The following KIAA1328 variants were observed in gnomAD, a reference collection of about 807,000 sequenced individuals.
KIAA1328 encodes the protein protein hinderin.
A neutral mutation model predicts 68.1 loss-of-function variants in KIAA1328; 52 were observed. The ratio of observed to expected loss-of-function variants is 0.76; its 90% CI spans 0.61 to 0.96. KIAA1328 has a LOEUF of 0.96. Ranked by LOEUF, KIAA1328 falls within the 40% of genes least tolerant of loss-of-function variation. The pLI, the probability that KIAA1328 is intolerant of heterozygous loss-of-function variation, is 0.00. For synonymous variants in KIAA1328, 232 were observed against 239.4 expected (o/e 0.97, Z 0.28); for missense variants, 641 against 677.6 (o/e 0.95, Z 0.60).
At position 36,992,442 on chromosome 18, in the gene KIAA1328, CT is replaced by C. The variant is rs1598914179; in HGVS notation, c.576+33011del. 4.8e-5 allele frequency among the ~76,000 whole-genome samples: 4 copies of C among 83,350 alleles called. No individual in the cohort carries two copies. In the East Asian group the frequency reaches 1.4e-3, roughly 29 times the overall value. 54.7% of individuals were successfully genotyped at this position (83,350 alleles called of 152,430 possible). A position where few individuals can be genotyped will look rare whatever the true frequency, so the allele number is the denominator to read the frequency against. ...GCGAGGCAAAGGTCCAATTTCTTTT[CT>C]TTTCTTTCTTTTTTTTTTTTTTTTT... On this transcript the variant is annotated intron_variant, in intron 6 of 9. Transcript: ENST00000280020.
rs777509742 is a variant in KIAA1328, at chr18:37,225,288, G to A, written c.*3061G>A. On this transcript the variant is annotated 3_prime_UTR_variant, in exon 10 of 10. Coordinates refer to ENST00000280020, the MANE Select transcript of KIAA1328 (RefSeq NM_020776.3). ...TGAATATGAGCAAATGTTTATGTAC[G>A]TATGAGATTTCAAGTTAATAAATCA... The A allele has an allele frequency of 1.0e-4, 100 of 985,290 alleles. No homozygotes were observed. Among genetic ancestry groups the A allele is most frequent in the Middle Eastern group, 5.2e-4 (1 of 1,936 alleles). 61.0% of individuals were successfully genotyped at this position (985,290 alleles called of 1,614,324 possible).
chr18:37,135,730 G>A (rs1429194412), intron 7 of KIAA1328, among the ~76,000 whole-genome samples: 1 of 152,150 alleles, frequency 6.6e-6, no homozygotes, highest in African/African-American at 2.4e-5. Context: ...AATTGCTTTT[G>A]AGGACTTAAT....
At chr18:37,085,520 T>G (rs2057076878) in intron 7 of KIAA1328, among the ~76,000 whole-genome samples, 1 of 152,148 alleles carries the variant, frequency 6.6e-6, no homozygotes, top group African/African-American at 2.4e-5. Context: ...ATGTTTCTGA[T>G]GGGGGAGATG....
chr18:37,144,619 G>A (rs914756413), intron 7 of KIAA1328, among the ~76,000 whole-genome samples: 3 of 151,848 alleles, frequency 2.0e-5, no homozygotes, highest in East Asian at 1.9e-4. Context: ...TCTCTACCTC[G>A]CCTGACTCAG....
chr18:36,883,442 C>T (rs2048384625), intron 4 of KIAA1328, among the ~76,000 whole-genome samples: 1 of 152,194 alleles, frequency 6.6e-6, no homozygotes, highest in Admixed American at 6.5e-5. Flanking sequence ...TGCCCAAATT[C>T]TCCTATGCCA....
intron 5 of KIAA1328, among the ~76,000 whole-genome samples, chr18:36,942,494 C>G (rs575960475): frequency 6.6e-6 from 1 of 152,146 alleles, no homozygotes; most frequent in Non-Finnish European, 1.5e-5. Flanking sequence ...GCACCACTGA[C>G]GAGTGCTTTT....
At chr18:37,203,833 G>A (rs1213571908) in intron 9 of KIAA1328, among the ~76,000 whole-genome samples, 5 of 148,168 alleles carry the variant, frequency 3.4e-5, no homozygotes, top group African/African-American at 7.5e-5. Context: ...TTTTTGAGAC[G>A]GAGTCTCGCT....
In KIAA1328 at chr18:37,198,025, A is replaced by G. The variant is rs528755264; in HGVS notation, c.1524-23992A>G. Among the ~76,000 whole-genome samples, 41 of 152,354 alleles carry G rather than the reference A, an allele frequency of 2.7e-4. No individual in the cohort carries two copies. The South Asian group carries it at 4.8e-3, about 18-fold the overall frequency. On this transcript the variant is annotated intron_variant, in intron 9 of 9. Coordinates refer to ENST00000280020, the MANE Select transcript of KIAA1328 (RefSeq NM_020776.3). ...GGGTATTATTTGGCAACAAAAAGGA[A>G]TGAAGTAATGATACATACTACAACA...
intron 7 of KIAA1328, among the ~76,000 whole-genome samples, chr18:37,092,315 C>T (rs1008508760): frequency 3.9e-5 from 6 of 152,056 alleles, no homozygotes; most frequent in Admixed American, 3.9e-4. Context: ...AACAGACCCA[C>T]CCCATCTACC....
chr18:36,978,232 A>G (rs1030504463), intron 6 of KIAA1328, among the ~76,000 whole-genome samples: 5 of 152,194 alleles, frequency 3.3e-5, no homozygotes, highest in African/African-American at 7.2e-5. Flanking sequence ...GTGAAATGTT[A>G]TCTACCAGGG....
At chr18:36,989,258 A>G (rs894213859) in intron 6 of KIAA1328, among the ~76,000 whole-genome samples, 4 of 152,208 alleles carry the variant, frequency 2.6e-5, no homozygotes, top group African/African-American at 9.7e-5. Flanking sequence ...TGAAAAAAAG[A>G]TTTTTAAAAA....
chr18:36,835,432 A>T, intron 3 of KIAA1328, 56 bp downstream of exon 3: 3 of 1,505,414 alleles, frequency 2.0e-6, no homozygotes, highest in Non-Finnish European at 2.7e-6. Flanking sequence ...ATGAGTGCTG[A>T]CCAAAAAGGG....
chr18:36,934,572 G>A (rs2151161134), intron 5 of KIAA1328, among the ~76,000 whole-genome samples: 1 of 151,978 alleles, frequency 6.6e-6, no homozygotes, highest in African/African-American at 2.4e-5. Context: ...TTGGTTTTTT[G>A]TCCTTGCGAT....
At chr18:37,200,975 T>C (rs1325293132) in intron 9 of KIAA1328, among the ~76,000 whole-genome samples, 2 of 152,170 alleles carry the variant, frequency 1.3e-5, no homozygotes, top group Admixed American at 6.5e-5. Context: ...GTGTCTCTTA[T>C]AGCCAGGAGG....
chr18:37,220,415 A>G (rs2060535814), intron 9 of KIAA1328, among the ~76,000 whole-genome samples: 1 of 152,340 alleles, frequency 6.6e-6, no homozygotes, highest in Middle Eastern at 3.4e-3. Flanking sequence ...GAAATTGCAT[A>G]TGAGAATAGT....
At chr18:36,862,703 T>C (rs776381269) in intron 4 of KIAA1328, among the ~76,000 whole-genome samples, 6 of 152,220 alleles carry the variant, frequency 3.9e-5, no homozygotes, top group Non-Finnish European at 7.4e-5. Context: ...TTAATTTCTT[T>C]GGGATACTGT....
downstream of KIAA1328, among the ~76,000 whole-genome samples, chr18:37,228,596 A>G (rs1464553953): frequency 6.6e-6 from 1 of 152,154 alleles, no homozygotes; most frequent in Non-Finnish European, 1.5e-5. Flanking sequence ...AGGCGGGTGG[A>G]TCACCTGAGG....
At chr18:37,021,588 A>G (rs1244215020) in intron 6 of KIAA1328, among the ~76,000 whole-genome samples, 2 of 152,130 alleles carry the variant, frequency 1.3e-5, no homozygotes, top group Admixed American at 1.3e-4. Flanking sequence ...TGGTATTTAC[A>G]ATAGTTTCTT....
chr18:37,156,014 A>G (rs926584580), intron 7 of KIAA1328, among the ~76,000 whole-genome samples: 1 of 152,132 alleles, frequency 6.6e-6, no homozygotes, highest in African/African-American at 2.4e-5. Flanking sequence ...TTGCACTCTC[A>G]TAACATCCAG....
Sources: gnomAD v4.1 joint callset for allele counts (sites outside exome capture counted in the v4.1 genomes callset) on GRCh38, gnomAD v4.1.1 for gene constraint, MANE v1.5 for transcripts, NCBI Gene and HGNC (gene_info 2026-07-23, HGNC 2026-07-21) for gene names.